The following BASP1 variants were observed in gnomAD, a reference collection of about 807,000 sequenced individuals.
BASP1 encodes brain abundant membrane attached signal protein 1.
A neutral mutation model predicts 2.2 loss-of-function variants in BASP1; 1 was observed. The observed-to-expected ratio is 0.46, with a 90% CI of 0.16 to 2.17. The LOEUF is 2.17. Ranked by LOEUF, BASP1 falls within the 30% of genes most tolerant of loss-of-function variation. BASP1 has a pLI of 0.27. For synonymous variants in BASP1, 187 were observed against 154.2 expected, an observed-to-expected ratio of 1.21 and a Z score of -1.58; for missense variants, 352 against 327.2, an observed-to-expected ratio of 1.08 and a Z score of -0.58.
chr5:17,257,327 A>AG (rs1740234478), intron 1 of BASP1, among the ~76,000 whole-genome samples: 1 of 151,484 alleles, frequency 6.6e-6, no homozygotes, highest in Non-Finnish European at 1.5e-5. Context: ...AACAAAACAA[A>AG]AAGAGTGATT....
intron 1 of BASP1, among the ~76,000 whole-genome samples, chr5:17,271,808 T>A (rs1740534683): frequency 6.6e-6 from 1 of 152,172 alleles, no homozygotes; most frequent in African/African-American, 2.4e-5. Context: ...GGCTCACGCC[T>A]GTAATCCCAG....
chr5:17,220,073 A>AT (rs142913084), intron 1 of BASP1, among the ~76,000 whole-genome samples: 146 of 152,230 alleles, frequency 9.6e-4, no homozygotes, highest in South Asian at 1.2e-3. Flanking sequence ...CAAATATGAT[A>AT]TTTTTTGCAG....
intron 1 of BASP1, among the ~76,000 whole-genome samples, chr5:17,269,785 C>T (rs1440731369): frequency 6.6e-6 from 1 of 152,206 alleles, no homozygotes; most frequent in Non-Finnish European, 1.5e-5. Context: ...ACAATGTTAG[C>T]TTCTCTCATT....
chr5:17,241,296 C>T (rs7736442), intron 1 of BASP1, among the ~76,000 whole-genome samples: 70,187 of 151,710 alleles, frequency 0.46, 16,479 homozygotes, highest in Non-Finnish European at 0.5. Context: ...GATGGGGTTT[C>T]GCCATGTTGG....
intron 1 of BASP1, among the ~76,000 whole-genome samples, chr5:17,227,865 G>A (rs1338795776): frequency 6.6e-6 from 1 of 152,170 alleles, no homozygotes; most frequent in African/African-American, 2.4e-5. Flanking sequence ...AGTAGCCCTG[G>A]TGATCTGTTG....
chr5:17,256,179 A>G (rs1740206804), intron 1 of BASP1, among the ~76,000 whole-genome samples: 1 of 152,268 alleles, frequency 6.6e-6, no homozygotes, highest in Non-Finnish European at 1.5e-5. Flanking sequence ...AGGTGAATCC[A>G]GAAAACTACA....
chr5:17,261,417 C>T (rs868453694), intron 1 of BASP1, among the ~76,000 whole-genome samples: 1 of 152,132 alleles, frequency 6.6e-6, no homozygotes, highest in Non-Finnish European at 1.5e-5. Flanking sequence ...TACGAGAGTA[C>T]TATGAAGGTA....
At chr5:17,262,850 CTT>C (rs562064794) in intron 1 of BASP1, among the ~76,000 whole-genome samples, 9 of 132,940 alleles carry the variant, frequency 6.8e-5, no homozygotes, top group Non-Finnish European at 6.1e-5. Context: ...ATCAAATCTT[CTT>C]TTTTTTTTTT....
Position 17,236,145 on chromosome 5 carries a change from G to A in BASP1, c.-10+18335G>A, listed in dbSNP as rs1014560933. ...AAAGATTGGACACCCCCACCCTTGC[G>A]TTTAGTCTTTAAGACTATTCTACCT... On this transcript the variant is annotated intron_variant, in intron 1 of 1. Transcript: ENST00000322611. The surrounding 1 kb of genome is among the most constrained non-coding windows in gnomAD (Gnocchi z 4.0). Among the ~76,000 whole-genome samples, 4 of 152,064 alleles carry A rather than the reference G, an allele frequency of 2.6e-5. No individual in the cohort carries two copies. Among genetic ancestry groups the A allele is most frequent in the African/African-American group, 7.2e-5 (3 of 41,416 alleles).
chr5:17,237,671 T>C (rs139050971), intron 1 of BASP1, among the ~76,000 whole-genome samples: 3 of 146,690 alleles, frequency 2.0e-5, no homozygotes, highest in Non-Finnish European at 4.5e-5. Context: ...ACTCAGGCTG[T>C]AGTGCAGTGG....
At chr5:17,220,624 G>T (rs1739377588) in intron 1 of BASP1, among the ~76,000 whole-genome samples, 1 of 152,046 alleles carries the variant, frequency 6.6e-6, no homozygotes, top group African/African-American at 2.4e-5. Flanking sequence ...TCTTTAACTG[G>T]TACTCAGTCT....
chr5:17,232,441 A>G (rs1350741327), intron 1 of BASP1, among the ~76,000 whole-genome samples: 1 of 152,224 alleles, frequency 6.6e-6, no homozygotes, highest in African/African-American at 2.4e-5. Flanking sequence ...AATGAAGTAA[A>G]AACGAATTTA....
intron 1 of BASP1, among the ~76,000 whole-genome samples, chr5:17,226,534 G>C (rs1486126024): frequency 6.6e-6 from 1 of 152,192 alleles, no homozygotes; most frequent in Non-Finnish European, 1.5e-5. Context: ...AGAACTAGCT[G>C]TTTCTTAAAG....
At chr5:17,243,894 C>A (rs1401258700) in intron 1 of BASP1, among the ~76,000 whole-genome samples, 1 of 152,208 alleles carries the variant, frequency 6.6e-6, no homozygotes, top group African/African-American at 2.4e-5. Flanking sequence ...CAAAGCACTG[C>A]AGCTCTTGCC....
chr5:17,220,373 G>T (rs937898635), intron 1 of BASP1, among the ~76,000 whole-genome samples: 1 of 151,680 alleles, frequency 6.6e-6, no homozygotes, highest in Non-Finnish European at 1.5e-5. Context: ...TTTGGCGAGG[G>T]GTATGTTGGA....
At chr5:17,238,302 G>GTT (rs570903107) in intron 1 of BASP1, among the ~76,000 whole-genome samples, 1 of 147,746 alleles carries the variant, frequency 6.8e-6, no homozygotes, top group African/African-American at 2.5e-5. Flanking sequence ...GGCTATCTGA[G>GTT]TTTTTTTTTT....
intron 1 of BASP1, among the ~76,000 whole-genome samples, chr5:17,237,007 G>T (rs554584001): frequency 6.6e-6 from 1 of 152,040 alleles, no homozygotes; most frequent in Non-Finnish European, 1.5e-5. Flanking sequence ...CCAGCCCACC[G>T]GGTAGTAAAC....
intron 1 of BASP1, among the ~76,000 whole-genome samples, chr5:17,264,265 T>C (rs1740373515): frequency 6.6e-6 from 1 of 152,254 alleles, no homozygotes; most frequent in Non-Finnish European, 1.5e-5. Flanking sequence ...TGTTTGTAAA[T>C]TCTTTTCTTT....
At chr5:17,220,948 C>G (rs573274379) in intron 1 of BASP1, among the ~76,000 whole-genome samples, 15 of 152,184 alleles carry the variant, frequency 9.9e-5, no homozygotes, top group African/African-American at 3.6e-4. Flanking sequence ...GTGTTATTTA[C>G]GGTAGTTTTG....
Sources: allele counts gnomAD v4.1 joint callset (sites outside exome capture counted in the v4.1 genomes callset), GRCh38; gene constraint gnomAD v4.1.1; non-coding constraint Gnocchi (gnomAD v3.1); transcripts MANE v1.5; gene names NCBI Gene and HGNC (gene_info 2026-07-23, HGNC 2026-07-21).